The following DIP2C variants were observed in gnomAD, a reference collection of about 807,000 sequenced individuals.
DIP2C encodes DIP2 acetate--CoA ligase C (putative), also known as disco-interacting protein 2 homolog C.
A neutral mutation model predicts 192.4 loss-of-function variants in DIP2C; 33 were observed. That is an observed-to-expected ratio of 0.17 (90% CI 0.13 to 0.23). The LOEUF (loss-of-function observed/expected upper bound fraction) is 0.23, where lower values mean the gene tolerates loss of function less well. DIP2C is among the 10% of genes least tolerant of loss of function. The probability of loss-of-function intolerance (pLI) is 1.00; values close to 1 mark genes in which losing one functional copy is unlikely to be tolerated. For synonymous variants in DIP2C, 979 were observed against 864.1 expected (o/e 1.13, Z -2.33); for missense variants, 1,537 against 2,110.1 (o/e 0.73, Z 5.32).
chr10:525,905 C>T (rs1464317187), intron 1 of DIP2C, among the ~76,000 whole-genome samples: 1 of 152,166 alleles, frequency 6.6e-6, no homozygotes, highest in Non-Finnish European at 1.5e-5. Flanking sequence ...CAGGTCTGTG[C>T]CCAGGAATCT....
At chr10:512,654 C>T (rs1846090092) in intron 1 of DIP2C, among the ~76,000 whole-genome samples, 1 of 152,056 alleles carries the variant, frequency 6.6e-6, no homozygotes, top group Admixed American at 6.5e-5. Flanking sequence ...TGGCTCACGC[C>T]TGGAATCCCA....
At chr10:467,576 A>G (rs76668133) in intron 3 of DIP2C, among the ~76,000 whole-genome samples, 1 of 151,678 alleles carries the variant, frequency 6.6e-6, no homozygotes, top group African/African-American at 2.4e-5. Flanking sequence ...AAAAAAAAAA[A>G]AAAAAGAAAA....
At position 469,428 on chromosome 10, in the gene DIP2C, C is replaced by T. The variant is rs149556419; in HGVS notation, c.268+3011G>A. ...ACCTCCCGGGTTCAAGAGATTCTCCCACCTCAGCCTCTGGAATAGCTGGGA... is the reference window on the plus strand; with the variant it reads ...ACCTCCCGGGTTCAAGAGATTCTCCTACCTCAGCCTCTGGAATAGCTGGGA... On this transcript the variant is annotated intron_variant, in intron 3 of 36. Transcript: ENST00000280886. Among the ~76,000 whole-genome samples, 1,106 of 151,848 alleles carry T rather than the reference C, an allele frequency of 7.3e-3. 10 individuals carry two copies. The highest frequency in any genetic ancestry group is 0.023 in the South Asian group (110 of 4,794).
Position 357,945 on chromosome 10 carries a change from G to C in DIP2C, c.2795-8C>G, listed in dbSNP as rs777516540. ...CAGAGGCAGGGCCGATTTCTAGAAA[G>C]AAACAGAGACATGGCCATGAGGAAA... On this transcript the variant is annotated splice_region_variant and splice_polypyrimidine_tract_variant and intron_variant, in intron 22 of 36. Coordinates refer to ENST00000280886, the MANE Select transcript of DIP2C (RefSeq NM_014974.3). The C allele has an allele frequency of 6.2e-7, 1 of 1,603,314 alleles. No individual in the cohort carries two copies. Among genetic ancestry groups the C allele is most frequent in the African/African-American group, 1.3e-5 (1 of 74,698 alleles).
intron 3 of DIP2C, among the ~76,000 whole-genome samples, chr10:453,300 G>C (rs577724829): frequency 2.6e-5 from 4 of 152,272 alleles, no homozygotes; most frequent in East Asian, 3.9e-4. Context: ...CCGTGGAATG[G>C]AAACAATGAG....
chr10:512,638 G>A (rs1363294288), intron 1 of DIP2C, among the ~76,000 whole-genome samples: 2 of 152,020 alleles, frequency 1.3e-5, no homozygotes, highest in South Asian at 2.1e-4. Flanking sequence ...GGAGCTGGCC[G>A]GGCAGTGGCT....
At chr10:350,414 C>T (rs919610365) in intron 24 of DIP2C, among the ~76,000 whole-genome samples, 2 of 152,156 alleles carry the variant, frequency 1.3e-5, no homozygotes, top group Non-Finnish European at 2.9e-5. Flanking sequence ...ACAAGCTTTT[C>T]CTGAGGACAC....
At chr10:677,421 T>C (rs1253230730) in intron 1 of DIP2C, among the ~76,000 whole-genome samples, 1 of 152,212 alleles carries the variant, frequency 6.6e-6, no homozygotes, top group Non-Finnish European at 1.5e-5. Context: ...AAGGATGACT[T>C]CCTGTTACTA....
intron 9 of DIP2C, among the ~76,000 whole-genome samples, chr10:407,431 C>T (rs897167857): frequency 6.6e-6 from 1 of 152,130 alleles, no homozygotes; most frequent in Admixed American, 6.5e-5. Context: ...TGTTTTCAAT[C>T]CTTTTGGGTA....
chr10:320,033 T>C (rs1956940017), intron 31 of DIP2C, among the ~76,000 whole-genome samples: 1 of 152,226 alleles, frequency 6.6e-6, no homozygotes, highest in African/African-American at 2.4e-5. Context: ...AGGAAAATGC[T>C]GTTAGAAGGT....
At chr10:576,309 C>G (rs902883139) in intron 1 of DIP2C, among the ~76,000 whole-genome samples, 4 of 152,200 alleles carry the variant, frequency 2.6e-5, no homozygotes, top group African/African-American at 9.7e-5. Context: ...ACATCACACT[C>G]GAGCACTCAC....
chr10:337,931 G>C (rs895961765), intron 29 of DIP2C, among the ~76,000 whole-genome samples: 2 of 150,666 alleles, frequency 1.3e-5, no homozygotes, highest in African/African-American at 4.9e-5. Context: ...ATGTGTATGT[G>C]TGTGCTGTGG....
intron 17 of DIP2C, 115 bp from the exon 18 acceptor site, chr10:369,748 C>T: frequency 6.4e-7 from 1 of 1,550,566 alleles, no homozygotes; most frequent in Non-Finnish European, 8.8e-7. Context: ...GTGCTGGCAC[C>T]CCAGGCACAG....
intron 32 of DIP2C, among the ~76,000 whole-genome samples, chr10:292,729 A>C (rs957823960): frequency 6.6e-6 from 1 of 152,148 alleles, no homozygotes; most frequent in African/African-American, 2.4e-5. Flanking sequence ...GGTGCTGCTG[A>C]GATAATCAGG....
At chr10:475,631 T>C (rs376020212) in intron 2 of DIP2C, among the ~76,000 whole-genome samples, 23 of 152,274 alleles carry the variant, frequency 1.5e-4, no homozygotes, top group African/African-American at 5.5e-4. Flanking sequence ...AATGTAAAGT[T>C]TGCAACAAAA....
intron 2 of DIP2C, among the ~76,000 whole-genome samples, chr10:485,503 A>C (rs935744291): frequency 6.6e-5 from 10 of 152,332 alleles, no homozygotes; most frequent in Non-Finnish European, 1.5e-4. Context: ...TCACTGTCTC[A>C]AAAATCAAGG....
intron 3 of DIP2C, among the ~76,000 whole-genome samples, chr10:453,372 T>C (rs375351481): frequency 3.9e-5 from 6 of 152,192 alleles, no homozygotes; most frequent in East Asian, 3.8e-4. Flanking sequence ...CAGACATGTG[T>C]GCAAACATCA....
chr10:640,597 C>G (rs936059815), intron 1 of DIP2C, among the ~76,000 whole-genome samples: 4 of 151,172 alleles, frequency 2.6e-5, no homozygotes, highest in African/African-American at 9.7e-5. Flanking sequence ...GGGTGCGTGC[C>G]GGGACGAGGG....
chr10:353,580 C>T (rs951414906), intron 24 of DIP2C, among the ~76,000 whole-genome samples: 1 of 152,020 alleles, frequency 6.6e-6, no homozygotes, highest in Non-Finnish European at 1.5e-5. Flanking sequence ...TTAGTAGAGA[C>T]GGGGTTTCAC....
Sources: gnomAD v4.1 joint callset for allele counts (sites outside exome capture counted in the v4.1 genomes callset) on GRCh38, gnomAD v4.1.1 for gene constraint, MANE v1.5 for transcripts, NCBI Gene and HGNC (gene_info 2026-07-23, HGNC 2026-07-21) for gene names.